The following MAP3K9 variants were observed in gnomAD, a reference collection of about 807,000 sequenced individuals.
MAP3K9 encodes mixed lineage kinase 1 (tyr and ser/thr specificity).
Under a neutral mutation model 95.8 loss-of-function variants are expected in MAP3K9, and 46 were observed. The ratio of observed to expected loss-of-function variants is 0.48; its 90% CI spans 0.38 to 0.61. The LOEUF (loss-of-function observed/expected upper bound fraction) is 0.61. Ranked by LOEUF, MAP3K9 falls within the 20% of genes least tolerant of loss-of-function variation. The pLI, the probability that MAP3K9 is intolerant of heterozygous loss-of-function variation, is 0.00. For missense variants in MAP3K9, 1,296 were observed against 1,474.3 expected (o/e 0.88, Z 1.98); for synonymous variants, 533 against 593.8 (o/e 0.90, Z 1.49).
intron 1 of MAP3K9, among the ~76,000 whole-genome samples, chr14:70,803,496 A>G (rs1240994309): frequency 6.6e-6 from 1 of 151,578 alleles, no homozygotes; most frequent in African/African-American, 2.4e-5. Context: ...ACTGCTGACT[A>G]TTCCCTTCCT....
At position 70,730,254 on chromosome 14, in the gene MAP3K9, A is replaced by C; in HGVS notation, c.*126T>G. The C allele has an allele frequency of 7.3e-7, 1 of 1,375,266 alleles. No homozygotes were observed. Among genetic ancestry groups the C allele is most frequent in the Admixed American group, 2.3e-5 (1 of 43,636 alleles). The allele number at this position is 1,375,266 out of a possible 1,614,324, so 85.2% of individuals were successfully genotyped here. On this transcript the variant is annotated 3_prime_UTR_variant, in exon 12 of 12. Transcript: ENST00000554752. ...CCTGTTTCCATCCCTTCCATCTTCA[A>C]AGTGCATTATCAGTGCAAGAAGTAG...
At chr14:70,761,832 T>C (rs2054379679) in intron 2 of MAP3K9, among the ~76,000 whole-genome samples, 1 of 152,214 alleles carries the variant, frequency 6.6e-6, no homozygotes, top group Non-Finnish European at 1.5e-5. Context: ...ACATTCACAA[T>C]GTTGTACAAC....
rs564875583 is a variant in MAP3K9, at chr14:70,783,321, T to G, written c.820+17346A>C. 1.3e-5 allele frequency: 13 copies of G among 985,096 alleles called. No homozygotes were observed. The South Asian group carries it at 5.6e-4, about 43-fold the overall frequency. 61.0% of individuals were successfully genotyped at this position (985,096 alleles called of 1,614,324 possible). Reference sequence around the variant, plus strand: ...TTCAAATTAGTCTGACTCTTATTTTTCTTGAGCATCCAAAGGTTTCATATG... The same window carrying G: ...TTCAAATTAGTCTGACTCTTATTTTGCTTGAGCATCCAAAGGTTTCATATG... On this transcript the variant is annotated intron_variant, in intron 2 of 11. Transcript: ENST00000554752.
chr14:70,750,739 G>C (rs1313659256), intron 3 of MAP3K9, among the ~76,000 whole-genome samples: 1 of 152,024 alleles, frequency 6.6e-6, no homozygotes, highest in African/African-American at 2.4e-5. Flanking sequence ...CTCCCGCCTC[G>C]GCCTCTCAAA....
chr14:70,769,355 C>T (rs890945146), intron 2 of MAP3K9, among the ~76,000 whole-genome samples: 2 of 152,308 alleles, frequency 1.3e-5, no homozygotes, highest in South Asian at 2.1e-4. Flanking sequence ...ATCTGACAAC[C>T]GTGACTTCTG....
intron 2 of MAP3K9, among the ~76,000 whole-genome samples, chr14:70,763,346 A>G (rs531779773): frequency 6.6e-6 from 1 of 152,310 alleles, no homozygotes; most frequent in Admixed American, 6.5e-5. Context: ...AAAACTTCCT[A>G]TCACCTAGTG....
At chr14:70,736,340 G>A (rs1311624115) in intron 8 of MAP3K9, among the ~76,000 whole-genome samples, 1 of 152,142 alleles carries the variant, frequency 6.6e-6, no homozygotes, top group Non-Finnish European at 1.5e-5. Context: ...AAAAGGATGA[G>A]GATGCAAAAC....
chr14:70,731,555 C>A (rs947440213), intron 11 of MAP3K9, among the ~76,000 whole-genome samples: 1 of 152,222 alleles, frequency 6.6e-6, no homozygotes, highest in Admixed American at 6.5e-5. Flanking sequence ...ACTGTACGGC[C>A]TACAAAGCCT....
intron 2 of MAP3K9, among the ~76,000 whole-genome samples, chr14:70,763,823 T>C (rs1412056525): frequency 6.6e-6 from 1 of 152,046 alleles, no homozygotes; most frequent in Non-Finnish European, 1.5e-5. Flanking sequence ...GGAGCCACTG[T>C]GCCTGGCCAG....
chr14:70,797,651 T>C (rs1157411178), intron 2 of MAP3K9, among the ~76,000 whole-genome samples: 3 of 152,034 alleles, frequency 2.0e-5, no homozygotes. Flanking sequence ...GGCAGGAGAA[T>C]TACTTGAACC....
At chr14:70,765,581 G>A in intron 2 of MAP3K9, 4 of 526,366 alleles carry the variant, frequency 7.6e-6, no homozygotes, top group Non-Finnish European at 1.4e-5. Flanking sequence ...TCTTAGCACT[G>A]CATTACAATT....
At chr14:70,758,434 A>G (rs2054326016) in intron 3 of MAP3K9, among the ~76,000 whole-genome samples, 1 of 152,240 alleles carries the variant, frequency 6.6e-6, no homozygotes, top group Admixed American at 6.5e-5. Flanking sequence ...TGGAACATTC[A>G]TACATTGCTA....
rs1249020055 is a variant in MAP3K9, at chr14:70,761,082, C to T, written c.921G>A (p.Met307Ile). ...LAREWHRTTKMSAAGTYAWMA... is the reference protein window; with the variant it reads ...LAREWHRTTKISAAGTYAWMA... Reference sequence around the variant, plus strand: ...TCCAAGCATACGTCCCTGCCGCACTCATCTTGGTGGTTCGGTGCCATTCCC... The same window carrying T: ...TCCAAGCATACGTCCCTGCCGCACTTATCTTGGTGGTTCGGTGCCATTCCC... Residue 307 changes from methionine (M) to isoleucine (I), a missense_variant, in exon 3 of 12, where the codon ATG becomes ATA. Met to Ile is a conservative substitution (Grantham distance 10, BLOSUM62 1). Transcript: ENST00000554752. 2 of 1,614,036 alleles carry T rather than the reference C, an allele frequency of 1.2e-6. No homozygotes were observed. Among genetic ancestry groups the T allele is most frequent in the Non-Finnish European group, 1.7e-6 (2 of 1,180,018 alleles).
At chr14:70,760,141 G>GCACACACACACACACA (rs60112409) in intron 3 of MAP3K9, among the ~76,000 whole-genome samples, 1 of 147,700 alleles carries the variant, frequency 6.8e-6, no homozygotes, top group African/African-American at 2.5e-5. Flanking sequence ...AAATAAACGT[G>GCACACACACACACACA]CACACACACA....
In MAP3K9 at chr14:70,724,603, CAG is replaced by C. The variant is rs529333885; in HGVS notation, c.*5775_*5776del. ...TTGCAATGCAGTATTTTTTAAAAAT[CAG>C]AGTTATTGAAAAATTCCACGATGAA... is the stretch of plus-strand genomic sequence containing the variant. On this transcript the variant is annotated 3_prime_UTR_variant, in exon 12 of 12. Coordinates refer to ENST00000554752, the MANE Select transcript of MAP3K9 (RefSeq NM_001284230.2). 15 of 151,936 alleles carry C rather than the reference CAG, an allele frequency of 9.9e-5. No individual in the cohort carries two copies. In the East Asian group the frequency reaches 2.7e-3, roughly 27 times the overall value. The allele number at this position is 151,936 out of a possible 1,614,324, so 9.4% of individuals were successfully genotyped here.
chr14:70,793,969 T>C (rs1030321987), intron 2 of MAP3K9, among the ~76,000 whole-genome samples: 1 of 152,196 alleles, frequency 6.6e-6, no homozygotes, highest in Non-Finnish European at 1.5e-5. Context: ...CACTCCAATA[T>C]TCTTCTACGA....
chr14:70,787,817 A>C lies in MAP3K9; in HGVS notation c.820+12850T>G, dbSNP rs138983876. ...AGAAAGGAACTAGGGACAAAAAAAA[A>C]CACACAAACAAAACAAGATTTTTTG... On this transcript the variant is annotated intron_variant, in intron 2 of 11. Coordinates refer to ENST00000554752, the MANE Select transcript of MAP3K9 (RefSeq NM_001284230.2). Among the ~76,000 whole-genome samples, 39 of 152,324 alleles carry C rather than the reference A, an allele frequency of 2.6e-4. No individual in the cohort carries two copies. The East Asian group carries it at 2.9e-3, about 11-fold the overall frequency.
chr14:70,732,587 C>A lies in MAP3K9; in HGVS notation c.2782G>T (p.Ala928Ser). The A allele has an allele frequency of 6.2e-7, 1 of 1,604,776 alleles. No homozygotes were observed. The highest frequency in any genetic ancestry group is 2.2e-5 in the East Asian group (1 of 44,712). The change falls in exon 11 of 12, where the codon GCC becomes TCC. Residue 928 changes from alanine to serine, a missense_variant. Ala to Ser is a moderately conservative substitution (Grantham distance 99). Transcript: ENST00000554752. ...DGALKPETLL[A>S]SRSPSSNGLS... ...CCATTGCTGGAGGGGCTCCTGCTGG[C>A]TAGGAGAGTCTCTGGCTTAAGGGCC...
At chr14:70,758,206 T>A (rs1029269773) in intron 3 of MAP3K9, among the ~76,000 whole-genome samples, 2 of 152,210 alleles carry the variant, frequency 1.3e-5, no homozygotes, top group Admixed American at 1.3e-4. Context: ...AATACTCTAA[T>A]TTTTAAATTG....
Sources: gnomAD v4.1 joint callset for allele counts (sites outside exome capture counted in the v4.1 genomes callset) on GRCh38, gnomAD v4.1.1 for gene constraint, MANE v1.5 for transcripts, NCBI Gene and HGNC (gene_info 2026-07-23, HGNC 2026-07-21) for gene names.